The following SLC35D4 variants were observed in gnomAD, a reference collection of about 807,000 sequenced individuals.
SLC35D4 encodes the protein UDP-N-acetylglucosamine transporter SLC35D4.
the SLC35D4 span, among the ~76,000 whole-genome samples, chr18:23,394,878 G>C: frequency 2.0e-5 from 3 of 151,200 alleles, no homozygotes; most frequent in African/African-American, 7.3e-5. Context: ...AGCTAGTCGG[G>C]AGGCTGAGGC....
the SLC35D4 span, chr18:23,377,713 T>G: frequency 1.3e-6 from 2 of 1,494,492 alleles, no homozygotes; most frequent in Non-Finnish European, 1.8e-6. Flanking sequence ...CTTTTAAAAC[T>G]TTTTAAATTC....
chr18:23,268,197 T>C, the SLC35D4 span, among the ~76,000 whole-genome samples: 2 of 152,146 alleles, frequency 1.3e-5, no homozygotes, highest in Non-Finnish European at 2.9e-5. Flanking sequence ...AGGAAGAATA[T>C]GAGGAGAAAT....
At chr18:23,368,624 T>C in the SLC35D4 span, 2 of 843,432 alleles carry the variant, frequency 2.4e-6, no homozygotes, top group African/African-American at 1.8e-5. Flanking sequence ...GGCAGGCACA[T>C]TGGCTCAGAA....
At chr18:23,304,800 G>T in the SLC35D4 span, among the ~76,000 whole-genome samples, 1 of 151,916 alleles carries the variant, frequency 6.6e-6, no homozygotes, top group Non-Finnish European at 1.5e-5. Flanking sequence ...AGGTGAGAGG[G>T]GTCCAGTCCT....
the SLC35D4 span, among the ~76,000 whole-genome samples, chr18:23,348,468 T>C: frequency 2.0e-5 from 3 of 152,262 alleles, no homozygotes; most frequent in Non-Finnish European, 1.5e-5. Context: ...TTAAATAATC[T>C]ATTTATCTTT....
chr18:23,409,856 A>G, the SLC35D4 span, among the ~76,000 whole-genome samples: 4 of 86,130 alleles, frequency 4.6e-5, no homozygotes, highest in Admixed American at 1.6e-4. Flanking sequence ...AAAAAAAAAA[A>G]AAAAAAAAGA....
At chr18:23,266,578 G>C in the SLC35D4 span, among the ~76,000 whole-genome samples, 2 of 152,316 alleles carry the variant, frequency 1.3e-5, 1 homozygote, top group Admixed American at 1.3e-4. Flanking sequence ...AGCTGGGACC[G>C]GTGATGTCCT....
At chr18:23,306,228 A>T in the SLC35D4 span, among the ~76,000 whole-genome samples, 1 of 152,082 alleles carries the variant, frequency 6.6e-6, no homozygotes, top group Non-Finnish European at 1.5e-5. Context: ...AATGCAAAAA[A>T]AAAAAGAAGA....
chr18:23,435,663 G>A, the SLC35D4 span, among the ~76,000 whole-genome samples: 1 of 152,222 alleles, frequency 6.6e-6, no homozygotes, highest in South Asian at 2.1e-4. Context: ...TGCCACAATG[G>A]CAAGCACTAG....
chr18:23,245,520 A>C, the SLC35D4 span, among the ~76,000 whole-genome samples: 1 of 151,528 alleles, frequency 6.6e-6, no homozygotes, highest in South Asian at 2.1e-4. Context: ...AAAAAAAAAA[A>C]GCGAAATAGG....
At chr18:23,309,798 TC>T in the SLC35D4 span, 1 of 1,540,062 alleles carries the variant, frequency 6.5e-7, no homozygotes, top group Admixed American at 1.7e-5. Context: ...TCTGGAAACC[TC>T]CAATGTCATT....
chr18:23,252,938 C>T, the SLC35D4 span: 65 of 1,500,232 alleles, frequency 4.3e-5, no homozygotes, highest in South Asian at 5.2e-4. Flanking sequence ...AGGAGTGATC[C>T]GTGTTCCCCT....
the SLC35D4 span, chr18:23,373,612 A>G: frequency 7.2e-7 from 1 of 1,385,776 alleles, no homozygotes; most frequent in Non-Finnish European, 1.0e-6. Context: ...AGGCCAAGTT[A>G]TCCTGCTTCT....
chr18:23,253,738 A>T, the SLC35D4 span: 1 of 1,614,086 alleles, frequency 6.2e-7, no homozygotes, highest in East Asian at 2.2e-5. Context: ...GTCTGAAACG[A>T]GAGATGCGGA....
chr18:23,354,902 C>G, the SLC35D4 span, among the ~76,000 whole-genome samples: 2 of 152,134 alleles, frequency 1.3e-5, no homozygotes, highest in African/African-American at 4.8e-5. Context: ...CTTGCACTTT[C>G]AGCCCATCTA....
the SLC35D4 span, chr18:23,253,987 G>T: frequency 6.6e-7 from 1 of 1,526,038 alleles, no homozygotes; most frequent in Non-Finnish European, 9.1e-7. Context: ...CCGGTCCGGG[G>T]TTCCTCTCTC....
At chr18:23,339,236 A>C in the SLC35D4 span, among the ~76,000 whole-genome samples, 1 of 152,350 alleles carries the variant, frequency 6.6e-6, no homozygotes, top group South Asian at 2.1e-4. Flanking sequence ...AAAGAGAGAT[A>C]AACAATCCAA....
At chr18:23,280,235 G>A in the SLC35D4 span, among the ~76,000 whole-genome samples, 1 of 152,370 alleles carries the variant, frequency 6.6e-6, no homozygotes, top group Non-Finnish European at 1.5e-5. Flanking sequence ...TGCACAGGTG[G>A]GGACCAAGCC....
the SLC35D4 span, among the ~76,000 whole-genome samples, chr18:23,262,647 C>G: frequency 6.6e-6 from 1 of 152,222 alleles, no homozygotes; most frequent in Non-Finnish European, 1.5e-5. Flanking sequence ...CCAGATGAGC[C>G]TCAATGTGGA....
Sources: allele counts gnomAD v4.1 joint callset (sites outside exome capture counted in the v4.1 genomes callset), GRCh38; gene constraint gnomAD v4.1.1; transcripts MANE v1.5; gene names NCBI Gene and HGNC (gene_info 2026-07-23, HGNC 2026-07-21).